The following CDH12 variants were observed in gnomAD, a reference collection of about 807,000 sequenced individuals.
CDH12 encodes cadherin-12.
In CDH12, 41 loss-of-function variants were observed where a neutral mutation model predicts 74.1. The ratio of observed to expected loss-of-function variants is 0.55; its 90% CI spans 0.43 to 0.72. CDH12 has a LOEUF of 0.72. Among genes scored for constraint, CDH12 ranks in the 30% least tolerant of loss-of-function variants. CDH12 has a pLI of 0.00. For synonymous variants in CDH12, 399 were observed against 355.0 expected (o/e 1.12, Z -1.39); for missense variants, 945 against 977.2 (o/e 0.97, Z 0.44).
intron 1 of CDH12, among the ~76,000 whole-genome samples, chr5:22,786,383 A>G (rs1365421313): frequency 6.6e-6 from 1 of 152,212 alleles, no homozygotes; most frequent in Admixed American, 6.5e-5. Context: ...GGCTACTTTC[A>G]AAAGTTCCCT....
intron 4 of CDH12, among the ~76,000 whole-genome samples, chr5:22,203,007 AAG>A (rs1241410887): frequency 6.6e-6 from 1 of 152,178 alleles, no homozygotes; most frequent in Non-Finnish European, 1.5e-5. Context: ...AATTATGGGA[AAG>A]AGTGTGATGT....
At chr5:22,076,682 T>A (rs914226682) in intron 5 of CDH12, among the ~76,000 whole-genome samples, 1 of 152,204 alleles carries the variant, frequency 6.6e-6, no homozygotes, top group Non-Finnish European at 1.5e-5. Context: ...TTAGTGATTG[T>A]TATATTCCAC....
At chr5:22,489,076 G>GTTTTTTTTTTTTTTTTTTTTTTTT (rs1746738063) in intron 2 of CDH12, among the ~76,000 whole-genome samples, 1 of 950 alleles carries the variant, frequency 1.1e-3, no homozygotes, top group African/African-American at 4.0e-3. Context: ...TTTTTTTTTT[G>GTTTTTTTTTTTTTTTTTTTTTTTT]AGACAGAGTC....
chr5:22,236,336 CACAT>C (rs1752557640), intron 3 of CDH12, among the ~76,000 whole-genome samples: 1 of 152,188 alleles, frequency 6.6e-6, no homozygotes, highest in Non-Finnish European at 1.5e-5. Flanking sequence ...AAAACACAAA[CACAT>C]ACAGCTGTAC....
At chr5:22,822,209 T>G (rs1749741141) in intron 1 of CDH12, among the ~76,000 whole-genome samples, 1 of 152,168 alleles carries the variant, frequency 6.6e-6, no homozygotes, top group African/African-American at 2.4e-5. Context: ...ATCCCTTCCT[T>G]ACACCTTATA....
At chr5:22,822,033 G>C (rs955445527) in intron 1 of CDH12, among the ~76,000 whole-genome samples, 4 of 152,104 alleles carry the variant, frequency 2.6e-5, no homozygotes, top group African/African-American at 9.7e-5. Flanking sequence ...CCAAAACAGA[G>C]ATATAGATCA....
chr5:21,975,353 A>T lies in CDH12; in HGVS notation c.264T>A (p.Thr88=). 2 of 1,597,006 alleles carry T rather than the reference A, an allele frequency of 1.3e-6. No homozygotes were observed. The highest frequency in any genetic ancestry group is 1.7e-6 in the Non-Finnish European group (2 of 1,179,520). Residue 88 remains threonine, a synonymous_variant, in exon 6 of 15, where the codon ACT becomes ACA. Coordinates refer to ENST00000382254, the MANE Select transcript of CDH12 (RefSeq NM_004061.5). ...LHSDLDKGEG[T]VKYTLSGDGA... ...CATCTCCTGAGAGGGTGTATTTCACAGTGCCCTCTCCCTTGTCTAAGTCGG... is the reference window on the plus strand; with the variant it reads ...CATCTCCTGAGAGGGTGTATTTCACTGTGCCCTCTCCCTTGTCTAAGTCGG...
Position 22,489,349 on chromosome 5 carries a change from G to A in CDH12, c.-428+15921C>T, listed in dbSNP as rs190175022. Among the ~76,000 whole-genome samples the A allele has an allele frequency of 5.3e-3, 801 of 151,754 alleles. 5 individuals are homozygous for A. The highest frequency in any genetic ancestry group is 0.027 in the South Asian group (131 of 4,802). ...TGGGATTACAGGCGTGAGCCACCAC[G>A]CCCGGACAGTTTTTCAGTATTACTT... On this transcript the variant is annotated intron_variant, in intron 2 of 14. Coordinates refer to ENST00000382254, the MANE Select transcript of CDH12 (RefSeq NM_004061.5).
At chr5:22,729,114 G>C (rs1744305022) in intron 1 of CDH12, among the ~76,000 whole-genome samples, 1 of 151,766 alleles carries the variant, frequency 6.6e-6, no homozygotes. Context: ...TAGCAGCTCA[G>C]AATAACAATA....
intron 3 of CDH12, among the ~76,000 whole-genome samples, chr5:22,314,732 T>C (rs1295403999): frequency 1.3e-5 from 2 of 151,926 alleles, no homozygotes; most frequent in African/African-American, 4.8e-5. Context: ...ATTGTAAAGT[T>C]ACAAGCTGAT....
At chr5:22,483,715 G>T (rs1415928740) in intron 2 of CDH12, among the ~76,000 whole-genome samples, 2 of 70,216 alleles carry the variant, frequency 2.8e-5, no homozygotes, top group Non-Finnish European at 5.9e-5. Context: ...AGACCAGGTT[G>T]GGCAACATAG....
At chr5:22,640,763 C>G (rs955039354) in intron 1 of CDH12, among the ~76,000 whole-genome samples, 1 of 152,148 alleles carries the variant, frequency 6.6e-6, no homozygotes, top group African/African-American at 2.4e-5. Context: ...AAACCCATCA[C>G]TTTCCAATGT....
At chr5:22,027,680 T>C (rs1738467290) in intron 5 of CDH12, among the ~76,000 whole-genome samples, 1 of 152,202 alleles carries the variant, frequency 6.6e-6, no homozygotes, top group African/African-American at 2.4e-5. Flanking sequence ...TCATTTTTTA[T>C]TGTGTGTATT....
chr5:21,759,181 T>C (rs1744572487), intron 13 of CDH12, among the ~76,000 whole-genome samples: 2 of 152,080 alleles, frequency 1.3e-5, no homozygotes, highest in Non-Finnish European at 2.9e-5. Context: ...TGTTAAATAA[T>C]AGATATAGTC....
chr5:22,569,495 T>C (rs748089762), intron 1 of CDH12, among the ~76,000 whole-genome samples: 2 of 152,200 alleles, frequency 1.3e-5, no homozygotes, highest in Non-Finnish European at 2.9e-5. Context: ...TCATTATAAG[T>C]TACCCAGTCT....
At chr5:22,570,662 C>T (rs1739496279) in intron 1 of CDH12, among the ~76,000 whole-genome samples, 1 of 152,100 alleles carries the variant, frequency 6.6e-6, no homozygotes, top group Non-Finnish European at 1.5e-5. Context: ...TAGCATAATT[C>T]TTAAGGGTGA....
chr5:21,815,104 A>G (rs1336304923), intron 9 of CDH12, among the ~76,000 whole-genome samples: 1 of 152,174 alleles, frequency 6.6e-6, no homozygotes, highest in African/African-American at 2.4e-5. Flanking sequence ...ATGATAATCT[A>G]TTTGAAAAAT....
chr5:22,594,093 A>T (rs1429578841), intron 1 of CDH12, among the ~76,000 whole-genome samples: 1 of 152,200 alleles, frequency 6.6e-6, no homozygotes, highest in Non-Finnish European at 1.5e-5. Flanking sequence ...AGAGGGCCTG[A>T]TACCCAAAAA....
At chr5:22,620,663 C>T (rs1012391170) in intron 1 of CDH12, among the ~76,000 whole-genome samples, 1 of 151,902 alleles carries the variant, frequency 6.6e-6, no homozygotes, top group Non-Finnish European at 1.5e-5. Context: ...TGCGTGAGAT[C>T]AATAATAAAT....
Sources: allele counts gnomAD v4.1 joint callset (sites outside exome capture counted in the v4.1 genomes callset), GRCh38; gene constraint gnomAD v4.1.1; transcripts MANE v1.5; gene names NCBI Gene and HGNC (gene_info 2026-07-23, HGNC 2026-07-21).